Variants in ZC4H2 observed in about 807,000 individuals in gnomAD.
ZC4H2 encodes zinc finger C4H2-type containing.
For synonymous variants in ZC4H2, 84 were observed against 66.3 expected (o/e 1.27, Z -1.30); for missense variants, 137 against 173.9 (o/e 0.79, Z 1.19).
chrX:64,994,500 A>T (rs28506046), intron 1 of ZC4H2, among the ~76,000 whole-genome samples: 9,331 of 112,161 alleles, frequency 0.083, 1,030 homozygotes, highest in African/African-American at 0.29. Flanking sequence ...GTTTTGCTTT[A>T]CATTATTCGT....
chrX:64,991,883 A>G (rs748490691), intron 1 of ZC4H2, among the ~76,000 whole-genome samples: 1 of 112,142 alleles, frequency 8.9e-6, no homozygotes, highest in Admixed American at 9.4e-5. Flanking sequence ...AAAGCAAATG[A>G]ACCTTGAAAA....
chrX:64,976,404 G>T lies in ZC4H2; in HGVS notation c.-27C>A. 4.2e-6 allele frequency: 5 copies of T among 1,201,157 alleles called. No homozygotes were observed. The South Asian group carries it at 7.1e-5, about 17-fold the overall frequency. On this transcript the variant is annotated 5_prime_UTR_variant, in exon 1 of 5. Coordinates refer to ENST00000374839, the MANE Select transcript of ZC4H2 (RefSeq NM_018684.4). ...CTTTTCACTGTCAATTTCACGTCCC[G>T]AGAGATGTACAAATACACCAGCCAA...
intron 1 of ZC4H2, among the ~76,000 whole-genome samples, chrX:64,942,419 T>C (rs1930331378): frequency 9.1e-6 from 1 of 110,425 alleles, no homozygotes; most frequent in Non-Finnish European, 1.9e-5. Flanking sequence ...CCAAGGTGGT[T>C]TGCTGCACCC....
At chrX:64,965,800 A>T (rs1931568395) in intron 1 of ZC4H2, among the ~76,000 whole-genome samples, 2 of 109,468 alleles carry the variant, frequency 1.8e-5, no homozygotes, top group South Asian at 8.0e-4. Flanking sequence ...TTAGCCAGGC[A>T]TGGTGGCACA....
chrX:64,945,950 A>C (rs1157779760), intron 1 of ZC4H2, among the ~76,000 whole-genome samples: 1 of 110,884 alleles, frequency 9.0e-6, no homozygotes, highest in Non-Finnish European at 1.9e-5. Flanking sequence ...CGAGCATCCC[A>C]GGTCAACTTC....
chrX:65,025,145 CTTTTTTTTTT>C (rs1177199868), intron 1 of ZC4H2, among the ~76,000 whole-genome samples: 1 of 73,729 alleles, frequency 1.4e-5, no homozygotes, highest in Admixed American at 1.5e-4. Flanking sequence ...TTGTTTTTTG[CTTTTTTTTTT>C]TTTTTTTTTT....
At chrX:64,994,654 C>T (rs1164376481) in intron 1 of ZC4H2, among the ~76,000 whole-genome samples, 2 of 111,197 alleles carry the variant, frequency 1.8e-5, no homozygotes, top group East Asian at 2.8e-4. Context: ...ACTTTTTGTG[C>T]TCTGCTTGGC....
intron 1 of ZC4H2, among the ~76,000 whole-genome samples, chrX:64,998,122 G>A (rs1350811689): frequency 9.0e-6 from 1 of 110,541 alleles, no homozygotes; most frequent in African/African-American, 3.3e-5. Flanking sequence ...AGGAAATGAG[G>A]GACAAAAAAG....
At chrX:65,023,969 ATT>A in intron 1 of ZC4H2, among the ~76,000 whole-genome samples, 2 of 111,559 alleles carry the variant, frequency 1.8e-5, no homozygotes. Flanking sequence ...ACACGGATGA[ATT>A]TGTAAACCAT....
rs187774675 is a variant in ZC4H2, at chrX:64,953,596, G to A, written c.53+22729C>T. Among the ~76,000 whole-genome samples, 901 of 112,290 alleles carry A rather than the reference G, an allele frequency of 8.0e-3. 5 individuals are homozygous for A. Among genetic ancestry groups the A allele is most frequent in the Admixed American group, 0.012 (132 of 10,603 alleles). Reference sequence around the variant, plus strand: ...GTGCTCATCATCACTGGCCATCAGAGAAATGCAAATCAAAACCACAATGAG... The same window carrying A: ...GTGCTCATCATCACTGGCCATCAGAAAAATGCAAATCAAAACCACAATGAG... On this transcript the variant is annotated intron_variant, in intron 1 of 4. Transcript: ENST00000374839.
intron 1 of ZC4H2, among the ~76,000 whole-genome samples, chrX:64,983,512 G>A (rs1376493067): frequency 9.0e-6 from 1 of 111,002 alleles, no homozygotes; most frequent in East Asian, 2.8e-4. Context: ...TCATAGATGT[G>A]GCCAATCTGT....
intron 1 of ZC4H2, among the ~76,000 whole-genome samples, chrX:64,930,709 T>C (rs1169216401): frequency 8.9e-6 from 1 of 112,309 alleles, no homozygotes; most frequent in Non-Finnish European, 1.9e-5. Flanking sequence ...ATCCCTATGA[T>C]AAAACTGACT....
chrX:64,956,135 A>G (rs1931146509), intron 1 of ZC4H2, among the ~76,000 whole-genome samples: 1 of 112,218 alleles, frequency 8.9e-6, no homozygotes, highest in Admixed American at 9.5e-5. Context: ...AAATAATAGC[A>G]TTGGCTCAAT....
chrX:65,008,076 A>G (rs1437432237), intron 1 of ZC4H2, among the ~76,000 whole-genome samples: 1 of 111,979 alleles, frequency 8.9e-6, no homozygotes, highest in Non-Finnish European at 1.9e-5. Context: ...ATAAGGGATT[A>G]ATAACCAGAA....
At position 65,018,426 on chromosome X, in the gene ZC4H2, G is replaced by T. The variant is rs146837272; in HGVS notation, c.-272+16203C>A. 3.9e-4 allele frequency among the ~76,000 whole-genome samples: 44 copies of T among 112,161 alleles called. No individual in the cohort carries two copies. The South Asian group carries it at 0.011, about 29-fold the overall frequency. On this transcript the variant is annotated intron_variant, in intron 1 of 4. Transcript: ENST00000337990. ...GTTGCCTCACCTGGGAAGCACAAAGGGTTGGTGGATTTCCTTCCCCTAGCC... is the reference window on the plus strand; with the variant it reads ...GTTGCCTCACCTGGGAAGCACAAAGTGTTGGTGGATTTCCTTCCCCTAGCC...
At chrX:65,013,525 G>T (rs895601625) in intron 1 of ZC4H2, among the ~76,000 whole-genome samples, 1 of 111,318 alleles carries the variant, frequency 9.0e-6, no homozygotes, top group African/African-American at 3.3e-5. Context: ...TGCAGGCCTT[G>T]ATAAAACATG....
chrX:65,002,408 C>T (rs1340934286), intron 1 of ZC4H2, among the ~76,000 whole-genome samples: 1 of 108,633 alleles, frequency 9.2e-6, no homozygotes, highest in African/African-American at 3.3e-5. Flanking sequence ...GGGGGGTCAG[C>T]CCCCGCCCGG....
chrX:65,017,472 AT>A (rs2147289541), intron 1 of ZC4H2, among the ~76,000 whole-genome samples: 1 of 112,747 alleles, frequency 8.9e-6, no homozygotes, highest in East Asian at 2.8e-4. Flanking sequence ...CACTCTAAGT[AT>A]TAAGTTTCAG....
At chrX:64,996,522 G>T (rs1267612833) in intron 1 of ZC4H2, among the ~76,000 whole-genome samples, 1 of 111,330 alleles carries the variant, frequency 9.0e-6, no homozygotes, top group African/African-American at 3.3e-5. Flanking sequence ...AAGCAACAAA[G>T]ACTTTAACAC....
Sources: gnomAD v4.1 joint callset for allele counts (sites outside exome capture counted in the v4.1 genomes callset) on GRCh38, gnomAD v4.1.1 for gene constraint, MANE v1.5 for transcripts, NCBI Gene and HGNC (gene_info 2026-07-23, HGNC 2026-07-21) for gene names.